GPHN: variants seen among roughly 807,000 people sequenced by gnomAD.
GPHN encodes the protein gephyrin.
GPHN carries 17 observed loss-of-function variants against 95.5 expected under a neutral mutation model. The observed-to-expected ratio is 0.18, with a 90% CI of 0.12 to 0.27. The LOEUF (loss-of-function observed/expected upper bound fraction) is 0.27, where lower values mean the gene tolerates loss of function less well. Ranked by LOEUF, GPHN falls within the 10% of genes least tolerant of loss-of-function variation. GPHN has a pLI of 1.00. For missense variants in GPHN, 660 were observed against 978.1 expected (o/e 0.67, Z 4.34); for synonymous variants, 320 against 322.5 (o/e 0.99, Z 0.08).
the GPHN span, among the ~76,000 whole-genome samples, chr14:67,543,586 A>T: frequency 6.6e-6 from 1 of 152,170 alleles, no homozygotes; most frequent in Non-Finnish European, 1.5e-5. Flanking sequence ...GGTTGCTAAT[A>T]ATCTGCATGT....
the GPHN span, chr14:67,199,953 A>C: frequency 7.6e-7 from 1 of 1,314,168 alleles, no homozygotes; most frequent in African/African-American, 1.5e-5. Context: ...CATTCCCACC[A>C]GGAGGAGTGC....
the GPHN span, among the ~76,000 whole-genome samples, chr14:67,509,014 A>C: frequency 6.6e-6 from 1 of 152,186 alleles, no homozygotes; most frequent in Admixed American, 6.5e-5. Flanking sequence ...GATTGGGGTC[A>C]AGAATCTGCA....
the GPHN span, among the ~76,000 whole-genome samples, chr14:67,349,715 A>G: frequency 2.0e-5 from 3 of 152,206 alleles, no homozygotes; most frequent in Non-Finnish European, 2.9e-5. Context: ...CAAAACAAAA[A>G]TAAATATTAT....
the GPHN span, among the ~76,000 whole-genome samples, chr14:67,247,998 G>A: frequency 2.6e-5 from 4 of 152,084 alleles, no homozygotes; most frequent in Non-Finnish European, 5.9e-5. Context: ...CTGTTCCTAG[G>A]TTACTGAGGG....
At chr14:67,194,407 C>A in the GPHN span, among the ~76,000 whole-genome samples, 5 of 151,866 alleles carry the variant, frequency 3.3e-5, 1 homozygote, top group South Asian at 1.0e-3. Flanking sequence ...ATGTACTTTA[C>A]CATTGGTAAA....
chr14:66,768,156 A>G (rs1187400422), intron 2 of GPHN, among the ~76,000 whole-genome samples: 1 of 151,972 alleles, frequency 6.6e-6, no homozygotes, highest in Non-Finnish European at 1.5e-5. Context: ...AAAACTGAGT[A>G]ATGATCTAAC....
the GPHN span, among the ~76,000 whole-genome samples, chr14:67,640,257 G>A: frequency 6.6e-6 from 1 of 152,092 alleles, no homozygotes; most frequent in Non-Finnish European, 1.5e-5. Context: ...TCTTCTCCAG[G>A]TTGGGGCCTT....
the GPHN span, among the ~76,000 whole-genome samples, chr14:67,634,886 G>A: frequency 6.6e-6 from 1 of 152,186 alleles, no homozygotes; most frequent in Non-Finnish European, 1.5e-5. Context: ...GATGTTACAA[G>A]GGCTGGTTGG....
At chr14:66,973,230 G>A (rs985341256) in intron 9 of GPHN, among the ~76,000 whole-genome samples, 6 of 152,090 alleles carry the variant, frequency 3.9e-5, no homozygotes, top group African/African-American at 1.4e-4. Context: ...CCATGGTTAA[G>A]CATTATAAAT....
intron 1 of GPHN, among the ~76,000 whole-genome samples, chr14:66,595,406 G>A (rs745967248): frequency 1.3e-5 from 2 of 152,124 alleles, no homozygotes; most frequent in African/African-American, 4.8e-5. Flanking sequence ...GGCTGGTATT[G>A]CCTTTGTCTG....
At chr14:67,225,318 T>C in the GPHN span, 119 of 1,280,468 alleles carry the variant, frequency 9.3e-5, no homozygotes, top group African/African-American at 1.7e-3. Flanking sequence ...TATGATACTG[T>C]CACACAAAAA....
At chr14:67,473,974 C>A in the GPHN span, 2 of 1,535,480 alleles carry the variant, frequency 1.3e-6, no homozygotes, top group Non-Finnish European at 1.7e-6. This position sits in a 1 kb window ranked among gnomAD's most constrained non-coding sequence, Gnocchi z 6.5. Context: ...AGGTGAGGGC[C>A]GGGCGCGGTG....
chr14:66,750,559 C>G (rs1566903739), intron 2 of GPHN, among the ~76,000 whole-genome samples: 1 of 151,810 alleles, frequency 6.6e-6, no homozygotes, highest in Non-Finnish European at 1.5e-5. Flanking sequence ...TTGGTGCCCC[C>G]TCACTTTTTT....
At chr14:67,342,303 G>A in the GPHN span, among the ~76,000 whole-genome samples, 6 of 151,760 alleles carry the variant, frequency 4.0e-5, no homozygotes, top group African/African-American at 1.2e-4. Flanking sequence ...ACATGGTGGT[G>A]TATACCCTTC....
chr14:66,986,225 A>G (rs1437585569), intron 9 of GPHN, among the ~76,000 whole-genome samples: 1 of 152,172 alleles, frequency 6.6e-6, no homozygotes, highest in Non-Finnish European at 1.5e-5. Context: ...TTCAATACAC[A>G]TAATCTTAAG....
At chr14:66,514,302 G>A (rs1020646390) in intron 1 of GPHN, among the ~76,000 whole-genome samples, 3 of 151,930 alleles carry the variant, frequency 2.0e-5, no homozygotes, top group Admixed American at 1.3e-4. Flanking sequence ...TCCAGATCTC[G>A]TCATTCTTCT....
chr14:66,785,759 G>C (rs1447380161), intron 3 of GPHN, among the ~76,000 whole-genome samples: 4 of 144,672 alleles, frequency 2.8e-5, no homozygotes, highest in Non-Finnish European at 6.1e-5. Context: ...AAAAATATCA[G>C]GAAAAGCTCT....
chr14:67,416,765 T>C, the GPHN span, among the ~76,000 whole-genome samples: 1 of 152,234 alleles, frequency 6.6e-6, no homozygotes, highest in Non-Finnish European at 1.5e-5. Context: ...ATCTTTTCCA[T>C]TAACAGCAGC....
chr14:66,611,410 G>A (rs919387392), intron 1 of GPHN, among the ~76,000 whole-genome samples: 1 of 152,104 alleles, frequency 6.6e-6, no homozygotes, highest in African/African-American at 2.4e-5. Context: ...GAGCATTTCT[G>A]TAGAGACAAA....
Sources: gnomAD v4.1 joint callset for allele counts (sites outside exome capture counted in the v4.1 genomes callset) on GRCh38, gnomAD v4.1.1 for gene constraint, Gnocchi (gnomAD v3.1) non-coding constraint, MANE v1.5 for transcripts, NCBI Gene and HGNC (gene_info 2026-07-23, HGNC 2026-07-21) for gene names.